The following RABGAP1 variants were observed in gnomAD, a reference collection of about 807,000 sequenced individuals.
The protein encoded by RABGAP1 is rab GTPase-activating protein 1.
A neutral mutation model predicts 137.6 loss-of-function variants in RABGAP1; 23 were observed. That is an observed-to-expected ratio of 0.17 (90% CI 0.12 to 0.24). The LOEUF (loss-of-function observed/expected upper bound fraction) is 0.24, where lower values mean the gene tolerates loss of function less well. Among genes scored for constraint, RABGAP1 ranks in the 10% least tolerant of loss-of-function variants. The pLI, the probability that RABGAP1 is intolerant of heterozygous loss-of-function variation, is 1.00. For missense variants in RABGAP1, 906 were observed against 1,275.8 expected, an observed-to-expected ratio of 0.71 and a Z score of 4.42; for synonymous variants, 451 against 450.7, an observed-to-expected ratio of 1.00 and a Z score of -0.01.
intron 13 of RABGAP1, among the ~76,000 whole-genome samples, chr9:123,058,729 T>G (rs1313612782): frequency 6.6e-6 from 1 of 152,244 alleles, no homozygotes; most frequent in South Asian, 2.1e-4. Flanking sequence ...ATGCCCAAAT[T>G]GTGCCATGCC....
At position 123,101,618 on chromosome 9, in the gene RABGAP1, G is replaced by A. The variant is rs533138743; in HGVS notation, c.2942G>A (p.Arg981His). The A allele has an allele frequency of 2.4e-5, 39 of 1,614,106 alleles. 1 individual carries two copies. The highest frequency in any genetic ancestry group is 4.5e-5 in the East Asian group (2 of 44,880). The change falls in exon 25 of 26, where the codon CGT (arginine) becomes CAT (histidine). Residue 981 changes from arginine to histidine, a missense_variant. Physicochemically the swap from Arg to His is conservative, Grantham distance 29 (BLOSUM62 0). Coordinates refer to ENST00000373647, the MANE Select transcript of RABGAP1 (RefSeq NM_012197.4). ...RCREFFNKEG[R>H]VKGISSTKEV... Reference sequence around the variant, plus strand: ...CGGGAATTTTTCAACAAAGAAGGGCGTGTAAAAGGCATAAGCTCAACCAAG... The same window carrying A: ...CGGGAATTTTTCAACAAAGAAGGGCATGTAAAAGGCATAAGCTCAACCAAG...
chr9:123,040,025 A>G (rs1424890420), intron 13 of RABGAP1, among the ~76,000 whole-genome samples: 1 of 152,210 alleles, frequency 6.6e-6, no homozygotes, highest in African/African-American at 2.4e-5. Flanking sequence ...TAAGCAATCA[A>G]GAAGCACTTA....
chr9:123,061,906 C>G (rs917741583), intron 13 of RABGAP1: 1 of 152,166 alleles, frequency 6.6e-6, no homozygotes, highest in African/African-American at 2.4e-5. Flanking sequence ...AGTTTGGCCA[C>G]GAATAGTGTT....
At chr9:122,938,852 C>A (rs539672137), upstream of RABGAP1, 10 of 152,280 alleles carry the variant, frequency 6.6e-5, no homozygotes, top group Middle Eastern at 3.4e-3. Flanking sequence ...CTTGCAGGAA[C>A]AAGCTCAATG....
chr9:123,056,886 G>C (rs1204856526), intron 13 of RABGAP1, among the ~76,000 whole-genome samples: 1 of 152,228 alleles, frequency 6.6e-6, no homozygotes. Flanking sequence ...TTTCTACACA[G>C]ACACAGCAAC....
upstream of RABGAP1, among the ~76,000 whole-genome samples, chr9:122,937,417 G>C (rs540313686): frequency 3.9e-5 from 6 of 152,214 alleles, no homozygotes; most frequent in East Asian, 1.2e-3. Flanking sequence ...TGGCCAACAT[G>C]GTGAAACCCT....
rs10675843 is a variant in RABGAP1, at chr9:123,103,963, T to TTGTGTGTGTGTGTGTGTGTGTGTG, written c.*760_*783dup. On this transcript the variant is annotated 3_prime_UTR_variant, in exon 26 of 26. Coordinates refer to ENST00000373647, the MANE Select transcript of RABGAP1 (RefSeq NM_012197.4). ...ACAAATCTTATTTTGCTTAATGTGT[T>TTGTGTGTGTGTGTGTGTGTGTGTG]TGTGTGTGTGTGTGTGTGTGTGTGT... 7.1e-6 allele frequency: 1 copy of TTGTGTGTGTGTGTGTGTGTGTGTG among 141,504 alleles called. No individual in the cohort carries two copies. Among genetic ancestry groups the TTGTGTGTGTGTGTGTGTGTGTGTG allele is most frequent in the African/African-American group, 2.7e-5 (1 of 37,576 alleles). The allele number at this position is 141,504 out of a possible 1,614,324, so 8.8% of individuals were successfully genotyped here.
At chr9:123,010,599 G>A (rs996176067) in intron 11 of RABGAP1, 71 bp downstream of exon 11, 1 of 1,395,434 alleles carries the variant, frequency 7.2e-7, no homozygotes, top group Non-Finnish European at 9.9e-7. Context: ...ATCGTATCAG[G>A]GGATTGATAA....
intron 2 of RABGAP1, among the ~76,000 whole-genome samples, chr9:122,958,722 A>G (rs898022910): frequency 4.6e-5 from 7 of 152,176 alleles, no homozygotes; most frequent in Non-Finnish European, 1.0e-4. Context: ...AAAATTTTGA[A>G]AACTTGCCAG....
chr9:123,026,031 A>T (rs1289847398), intron 13 of RABGAP1, among the ~76,000 whole-genome samples: 1 of 130,530 alleles, frequency 7.7e-6, no homozygotes, highest in Non-Finnish European at 1.6e-5. Flanking sequence ...TTTGGTAAAC[A>T]GTTTGTTTTT....
chr9:122,946,954 A>G (rs1486454080), intron 1 of RABGAP1, among the ~76,000 whole-genome samples: 1 of 152,166 alleles, frequency 6.6e-6, no homozygotes, highest in South Asian at 2.1e-4. Flanking sequence ...AAAGACATGG[A>G]TATCCCAAGT....
chr9:122,964,702 G>T (rs751732769), intron 2 of RABGAP1, among the ~76,000 whole-genome samples: 8 of 152,328 alleles, frequency 5.3e-5, no homozygotes, highest in Middle Eastern at 3.4e-3. Context: ...TCAACATTGT[G>T]CTAGGGCCAG....
intron 2 of RABGAP1, among the ~76,000 whole-genome samples, chr9:122,958,888 A>G (rs1834689546): frequency 1.3e-5 from 2 of 152,062 alleles, no homozygotes; most frequent in South Asian, 4.2e-4. Context: ...ACACACCTTC[A>G]GTCCCCACTA....
intron 13 of RABGAP1, among the ~76,000 whole-genome samples, chr9:123,056,481 CTTTT>C (rs530004900): frequency 4.0e-4 from 53 of 131,860 alleles, no homozygotes; most frequent in Admixed American, 2.3e-3. Flanking sequence ...TTTCTTTTTT[CTTTT>C]TTTTTTTTTT....
chr9:122,932,992 T>C, the RABGAP1 span, among the ~76,000 whole-genome samples: 40 of 152,368 alleles, frequency 2.6e-4, no homozygotes, highest in African/African-American at 7.0e-4. Context: ...GAAACTTGAA[T>C]TGTGGCATAC....
intron 4 of RABGAP1, among the ~76,000 whole-genome samples, chr9:122,988,992 A>G (rs1180063323): frequency 1.3e-5 from 2 of 149,984 alleles, no homozygotes; most frequent in Admixed American, 6.7e-5. Flanking sequence ...TTGGTAGTCT[A>G]ATTTACGTAT....
At chr9:123,013,850 A>C (rs1472155580) in intron 11 of RABGAP1, among the ~76,000 whole-genome samples, 4 of 152,214 alleles carry the variant, frequency 2.6e-5, no homozygotes. Context: ...TGTAGTCATT[A>C]GAGGTGTAAA....
intron 13 of RABGAP1, among the ~76,000 whole-genome samples, chr9:123,053,135 A>G (rs1211253624): frequency 6.6e-6 from 1 of 152,230 alleles, no homozygotes; most frequent in Non-Finnish European, 1.5e-5. Flanking sequence ...AAGAGAAAAC[A>G]TAATGTTACT....
At chr9:122,933,644 T>C in the RABGAP1 span, among the ~76,000 whole-genome samples, 1 of 151,918 alleles carries the variant, frequency 6.6e-6, no homozygotes, top group African/African-American at 2.4e-5. Flanking sequence ...TATTATTTTC[T>C]GTGACAGAGT....
Sources: gnomAD v4.1 joint callset for allele counts (sites outside exome capture counted in the v4.1 genomes callset) on GRCh38, gnomAD v4.1.1 for gene constraint, MANE v1.5 for transcripts, NCBI Gene and HGNC (gene_info 2026-07-23, HGNC 2026-07-21) for gene names.